DLC1: variants seen among roughly 807,000 people sequenced by gnomAD.
DLC1 encodes rho GTPase-activating protein 7.
In DLC1, 54 loss-of-function variants were observed where a neutral mutation model predicts 140.3. That is an observed-to-expected ratio of 0.38 (90% CI 0.31 to 0.48). The LOEUF is 0.48. Ranked by LOEUF, DLC1 falls within the 20% of genes least tolerant of loss-of-function variation. The pLI is 0.96. For synonymous variants in DLC1, 986 were observed against 728.1 expected (o/e 1.35, Z -5.70); for missense variants, 2,536 against 1,907.0 (o/e 1.33, Z -6.14).
In DLC1 at chr8:13,499,453, T is replaced by G. The variant is rs144566531; in HGVS notation, c.619A>C (p.Lys207Gln). 2.7e-5 allele frequency: 43 copies of G among 1,614,090 alleles called. No homozygotes were observed. In the African/African-American group the frequency reaches 4.9e-4, roughly 19 times the overall value. ...ISLSEIKDAP[K>Q]VNAVDTLNVK... is the part of the protein sequence containing the mutation. ...TTCAAAGTATCCACTGCATTTACTT[T>G]GGGTGCATCTTTTATTTCACTTAAG... Residue 207 changes from lysine (K) to glutamine (Q), a missense_variant, in exon 2 of 18, where the codon AAA becomes CAA. Transcript: ENST00000276297.
At chr8:13,090,185 G>C (rs568654920) in intron 15 of DLC1, 67 bp downstream of exon 15, 1 of 1,479,524 alleles carries the variant, frequency 6.8e-7, no homozygotes, top group East Asian at 2.3e-5. Flanking sequence ...GCAAAAGCGT[G>C]TTATCTCTGA....
At chr8:13,302,668 T>G (rs903352230) in intron 5 of DLC1, among the ~76,000 whole-genome samples, 1 of 151,538 alleles carries the variant, frequency 6.6e-6, no homozygotes, top group Non-Finnish European at 1.5e-5. Context: ...AAAAATAGAC[T>G]TTCTTAATAA....
chr8:13,363,754 G>T (rs190558922), intron 4 of DLC1, among the ~76,000 whole-genome samples: 89 of 152,208 alleles, frequency 5.8e-4, no homozygotes, highest in African/African-American at 2.0e-3. Context: ...ATCTAAGGTC[G>T]CCAAGCATGC....
At chr8:13,294,774 C>T (rs1019131448) in intron 5 of DLC1, among the ~76,000 whole-genome samples, 1 of 152,162 alleles carries the variant, frequency 6.6e-6, no homozygotes, top group African/African-American at 2.4e-5. Flanking sequence ...GCACCGTTGT[C>T]TGCATTGCTG....
intron 1 of DLC1, among the ~76,000 whole-genome samples, chr8:13,589,540 A>G (rs1056244108): frequency 2.6e-5 from 4 of 152,110 alleles, no homozygotes; most frequent in African/African-American, 9.6e-5. Flanking sequence ...AAATTCAACT[A>G]TGACATCATA....
intron 5 of DLC1, among the ~76,000 whole-genome samples, chr8:13,160,490 G>C (rs79219809): frequency 1.3e-5 from 2 of 152,274 alleles, no homozygotes; most frequent in East Asian, 1.9e-4. Flanking sequence ...TGTCCTCTTG[G>C]ATGTGGTGGC....
chr8:13,174,178 C>T (rs1563136996), intron 5 of DLC1, among the ~76,000 whole-genome samples: 1 of 152,168 alleles, frequency 6.6e-6, no homozygotes, highest in Non-Finnish European at 1.5e-5. Flanking sequence ...ATCCATGTTG[C>T]TGCAAAGGAT....
Position 13,091,382 on chromosome 8 carries a change from T to C in DLC1, c.3791A>G (p.Asn1264Ser). 6.2e-7 allele frequency: 1 copy of C among 1,614,204 alleles called. No homozygotes were observed. The highest frequency in any genetic ancestry group is 8.5e-7 in the Non-Finnish European group (1 of 1,180,034). The change falls in exon 14 of 18, where the codon AAT becomes AGT. Residue 1264 changes from asparagine to serine, a missense_variant. Transcript: ENST00000276297. ...CCCTTGAGTGGCAGCTAGGTTTTCA[T>C]TCAAATCTTTCTGATCTGGTTTGCC... is the stretch of plus-strand genomic sequence containing the variant. ...SLGKPDQKDL[N>S]ENLAATQGLA...
chr8:13,406,181 G>GTTTTTGTTTTTTTTTT (rs1837550839), intron 2 of DLC1, among the ~76,000 whole-genome samples: 1 of 84,960 alleles, frequency 1.2e-5, no homozygotes, highest in South Asian at 5.0e-4. Flanking sequence ...TAATTTTTGT[G>GTTTTTGTTTTTTTTTT]TTTTTTTTTT....
chr8:13,118,418 A>G (rs1341376947), intron 5 of DLC1, among the ~76,000 whole-genome samples: 1 of 152,204 alleles, frequency 6.6e-6, no homozygotes, highest in Non-Finnish European at 1.5e-5. Context: ...TCACCCTAAA[A>G]AAAAATGACA....
intron 5 of DLC1, among the ~76,000 whole-genome samples, chr8:13,303,237 C>G (rs1832274460): frequency 6.6e-6 from 1 of 152,130 alleles, no homozygotes; most frequent in Non-Finnish European, 1.5e-5. Flanking sequence ...AGATTTTGCT[C>G]AAATCAGTCC....
chr8:13,342,127 C>T (rs767765), intron 4 of DLC1: 1 of 152,032 alleles, frequency 6.6e-6, no homozygotes, highest in South Asian at 2.1e-4. Context: ...TAACCATGAC[C>T]AATGAGGTAT....
At chr8:13,360,203 G>A (rs1003044019) in intron 4 of DLC1, among the ~76,000 whole-genome samples, 2 of 152,064 alleles carry the variant, frequency 1.3e-5, no homozygotes, top group African/African-American at 4.8e-5. Context: ...GTACTATTTT[G>A]AGAATTAAAT....
intron 2 of DLC1, among the ~76,000 whole-genome samples, chr8:13,422,922 C>A (rs1585082001): frequency 6.6e-6 from 1 of 152,016 alleles, no homozygotes; most frequent in African/African-American, 2.4e-5. Context: ...TACATTGAGC[C>A]TTGAATTTGA....
intron 2 of DLC1, among the ~76,000 whole-genome samples, chr8:13,458,775 A>T (rs892010926): frequency 1.3e-5 from 2 of 152,048 alleles, no homozygotes; most frequent in African/African-American, 2.4e-5. Flanking sequence ...TCCTACCTCC[A>T]TATGTGTAAT....
At position 13,537,648 on chromosome 8, in the gene DLC1, C is replaced by CTTT. The variant is rs3066420; in HGVS notation, c.-125-37455_-125-37453dup. On this transcript the variant is annotated intron_variant, in intron 1 of 1. Coordinates refer to the DLC1 transcript ENST00000631382. ...ATGGTAATAGTAACAACAGCTAACT[C>CTTT]TTTTTTTTTTTTTTTTTTTTTTTGA... is the stretch of plus-strand genomic sequence containing the variant. Among the ~76,000 whole-genome samples the CTTT allele has an allele frequency of 5.5e-3, 499 of 90,308 alleles. 15 individuals carry two copies. The highest frequency in any genetic ancestry group is 0.016 in the African/African-American group (342 of 21,876). The allele number at this position is 90,308 out of a possible 152,430, so 59.2% of individuals were successfully genotyped here.
intron 5 of DLC1, among the ~76,000 whole-genome samples, chr8:13,187,673 G>C (rs1393671302): frequency 1.3e-5 from 2 of 152,148 alleles, no homozygotes; most frequent in African/African-American, 2.4e-5. Context: ...ATCTATGCTG[G>C]GGATATCTGG....
chr8:13,366,515 C>T (rs1835489008), intron 4 of DLC1, among the ~76,000 whole-genome samples: 1 of 152,108 alleles, frequency 6.6e-6, no homozygotes, highest in Admixed American at 6.6e-5. Context: ...CAAGTTAAAG[C>T]CCCACAGCAA....
At chr8:13,505,261 A>G (rs1802002933) in intron 1 of DLC1, among the ~76,000 whole-genome samples, 1 of 152,172 alleles carries the variant, frequency 6.6e-6, no homozygotes, top group Non-Finnish European at 1.5e-5. Context: ...GGATTCTGTG[A>G]GGAGTGAGAT....
Sources: allele counts gnomAD v4.1 joint callset (sites outside exome capture counted in the v4.1 genomes callset), GRCh38; gene constraint gnomAD v4.1.1; transcripts MANE v1.5; gene names NCBI Gene and HGNC (gene_info 2026-07-23, HGNC 2026-07-21).